The following MAGI1 variants were observed in gnomAD, a reference collection of about 807,000 sequenced individuals.
MAGI1 encodes membrane associated guanylate kinase, WW and PDZ domain containing 1.
In MAGI1, 58 loss-of-function variants were observed where a neutral mutation model predicts 139.9. The observed-to-expected ratio is 0.41, with a 90% CI of 0.34 to 0.52. The LOEUF (loss-of-function observed/expected upper bound fraction) is 0.52. MAGI1 is among the 20% of genes least tolerant of loss of function. The probability of loss-of-function intolerance (pLI) is 0.12; values close to 1 mark genes in which losing one functional copy is unlikely to be tolerated. For missense variants in MAGI1, 1,874 were observed against 1,901.6 expected (o/e 0.99, Z 0.27); for synonymous variants, 812 against 737.9 (o/e 1.10, Z -1.63).
At chr3:65,736,803 T>C (rs1417926872) in intron 1 of MAGI1, among the ~76,000 whole-genome samples, 2 of 152,210 alleles carry the variant, frequency 1.3e-5, no homozygotes, top group Non-Finnish European at 2.9e-5. Flanking sequence ...TGCAAACCTC[T>C]TCCAGAAACA....
chr3:65,625,152 T>G (rs1265255894), intron 1 of MAGI1, among the ~76,000 whole-genome samples: 1 of 152,168 alleles, frequency 6.6e-6, no homozygotes, highest in Non-Finnish European at 1.5e-5. Flanking sequence ...GGATTACAGG[T>G]GTGAGCCACC....
intron 1 of MAGI1, among the ~76,000 whole-genome samples, chr3:65,782,915 A>G (rs894915267): frequency 3.9e-5 from 6 of 152,054 alleles, no homozygotes; most frequent in African/African-American, 1.4e-4. Context: ...CTTAAAAAAA[A>G]AAAAAGAGAA....
In MAGI1 at chr3:65,356,101, T is replaced by C. The variant is rs1365213248; in HGVS notation, c.*277A>G. The C allele has an allele frequency of 7.3e-6, 2 of 273,744 alleles. No individual in the cohort carries two copies. The highest frequency in any genetic ancestry group is 1.3e-5 in the Non-Finnish European group (2 of 148,836). 17.0% of individuals were successfully genotyped at this position (273,744 alleles called of 1,614,324 possible). On this transcript the variant is annotated 3_prime_UTR_variant, in exon 23 of 23. Coordinates refer to ENST00000402939, the MANE Select transcript of MAGI1 (RefSeq NM_001033057.2). ...ATTCTTGACGATTCTACAGGTTACG[T>C]AGAAACAAAATTTATATCCCTTTGG...
rs956526173 is a variant in MAGI1 at position 65,430,378 on chromosome 3, T to TA, written c.1547-239dup. Among the ~76,000 whole-genome samples, 35 of 151,468 alleles carry TA rather than the reference T, an allele frequency of 2.3e-4. No individual in the cohort carries two copies. In the East Asian group the frequency reaches 2.5e-3, roughly 11 times the overall value. On this transcript the variant is annotated intron_variant, in intron 11 of 22. Coordinates refer to ENST00000402939, the MANE Select transcript of MAGI1 (RefSeq NM_001033057.2). ...CTCACAGAACATTGGAGCTTTCTCC[T>TA]AAAAAAAAATCTCACTGCAGAAATC...
intron 1 of MAGI1, among the ~76,000 whole-genome samples, chr3:65,745,817 A>G (rs1163783552): frequency 6.6e-6 from 1 of 151,092 alleles, no homozygotes; most frequent in Non-Finnish European, 1.5e-5. Context: ...GCAACCTCAG[A>G]CTCCCAGGCT....
At chr3:65,485,946 G>A (rs897064315) in intron 3 of MAGI1, among the ~76,000 whole-genome samples, 7 of 152,146 alleles carry the variant, frequency 4.6e-5, no homozygotes, top group Non-Finnish European at 8.8e-5. Flanking sequence ...CAGAAGAACA[G>A]CCAATTATAG....
At chr3:65,724,537 T>C (rs1303401179) in intron 1 of MAGI1, among the ~76,000 whole-genome samples, 2 of 152,188 alleles carry the variant, frequency 1.3e-5, no homozygotes. Context: ...GTTTTGTTCA[T>C]TGGTGAGCCA....
chr3:65,362,586 T>G, intron 21 of MAGI1, among the ~76,000 whole-genome samples: 1 of 152,328 alleles, frequency 6.6e-6, no homozygotes, highest in East Asian at 1.9e-4. Flanking sequence ...CCTTCTCAAT[T>G]TTAAATGTTA....
intron 1 of MAGI1, among the ~76,000 whole-genome samples, chr3:65,957,979 T>G (rs2064219861): frequency 6.6e-6 from 1 of 152,052 alleles, no homozygotes; most frequent in Non-Finnish European, 1.5e-5. Flanking sequence ...GGCTGGTCTC[T>G]AACTCTTGAC....
At chr3:66,032,272 C>T (rs186573404) in intron 1 of MAGI1, among the ~76,000 whole-genome samples, 5 of 151,820 alleles carry the variant, frequency 3.3e-5, no homozygotes, top group South Asian at 2.1e-4. Context: ...AGTGCAGTGG[C>T]GCGATCTCAG....
chr3:65,999,065 TAAA>T (rs575026124), intron 1 of MAGI1, among the ~76,000 whole-genome samples: 1 of 151,316 alleles, frequency 6.6e-6, no homozygotes, highest in Non-Finnish European at 1.5e-5. Flanking sequence ...ATCCCTTTTT[TAAA>T]AAAAAAATTT....
chr3:65,387,340 T>C, intron 14 of MAGI1: 1 of 708,684 alleles, frequency 1.4e-6, no homozygotes, highest in East Asian at 2.7e-5. Flanking sequence ...ACAATAAAGG[T>C]CATGGCTGTT....
intron 13 of MAGI1, among the ~76,000 whole-genome samples, chr3:65,393,052 A>C (rs1254557738): frequency 2.0e-5 from 3 of 152,188 alleles, no homozygotes; most frequent in Non-Finnish European, 4.4e-5. Context: ...CACCATCATA[A>C]TCCCACGTCA....
At chr3:65,536,821 C>G (rs951405682) in intron 2 of MAGI1, among the ~76,000 whole-genome samples, 5 of 152,168 alleles carry the variant, frequency 3.3e-5, no homozygotes, top group African/African-American at 1.2e-4. Flanking sequence ...CTGCTAGGAA[C>G]AATCCTCTTC....
intron 1 of MAGI1, among the ~76,000 whole-genome samples, chr3:65,922,323 T>C (rs112459995): frequency 1.3e-5 from 2 of 152,126 alleles, no homozygotes; most frequent in Non-Finnish European, 1.5e-5. Flanking sequence ...TATTTAGAAA[T>C]AGGACCTTTG....
chr3:65,526,696 A>C (rs1559638377), intron 2 of MAGI1, among the ~76,000 whole-genome samples: 1 of 152,206 alleles, frequency 6.6e-6, no homozygotes, highest in Non-Finnish European at 1.5e-5. Flanking sequence ...AAATACAAGA[A>C]CAACCAAGAG....
At chr3:65,780,363 A>G (rs1349781380) in intron 1 of MAGI1, among the ~76,000 whole-genome samples, 1 of 152,220 alleles carries the variant, frequency 6.6e-6, no homozygotes, top group East Asian at 1.9e-4. Context: ...ATTTCAGTCA[A>G]TGCTTAATTC....
At chr3:65,411,500 GA>G (rs937720471) in intron 12 of MAGI1, among the ~76,000 whole-genome samples, 1 of 152,060 alleles carries the variant, frequency 6.6e-6, no homozygotes, top group African/African-American at 2.4e-5. Context: ...TGTACGGGGG[GA>G]TTATGAAACA....
chr3:65,432,571 T>A (rs1947540503), intron 10 of MAGI1, among the ~76,000 whole-genome samples: 1 of 152,148 alleles, frequency 6.6e-6, no homozygotes, highest in Admixed American at 6.6e-5. Flanking sequence ...TCCCAAAGCT[T>A]ATTGGAAGGT....
Sources: allele counts gnomAD v4.1 joint callset (sites outside exome capture counted in the v4.1 genomes callset), GRCh38; gene constraint gnomAD v4.1.1; transcripts MANE v1.5; gene names NCBI Gene and HGNC (gene_info 2026-07-23, HGNC 2026-07-21).